PTPRD: variants seen among roughly 807,000 people sequenced by gnomAD.
PTPRD encodes protein tyrosine phosphatase receptor type D.
PTPRD carries 34 observed loss-of-function variants against 214.5 expected under a neutral mutation model. The observed-to-expected ratio is 0.16, with a 90% CI of 0.12 to 0.21. PTPRD has a LOEUF of 0.21. PTPRD is among the 10% of genes least tolerant of loss of function. The pLI is 1.00. For missense variants in PTPRD, 2,545 were observed against 2,398.7 expected (o/e 1.06, Z -1.27); for synonymous variants, 1,128 against 845.7 (o/e 1.33, Z -5.79).
In PTPRD at chr9:8,820,727, C is replaced by CCA. The variant is rs141466292; in HGVS notation, c.-103-86783_-103-86782dup. Among the ~76,000 whole-genome samples, 1,084 of 150,774 alleles carry CCA rather than the reference C, an allele frequency of 7.2e-3. 14 individuals carry two copies. Among genetic ancestry groups the CCA allele is most frequent in the African/African-American group, 0.022 (895 of 41,168 alleles). On this transcript the variant is annotated intron_variant, in intron 11 of 45. Coordinates refer to ENST00000381196, the MANE Select transcript of PTPRD (RefSeq NM_002839.4). ...AATTAAAATATATACATACTACACACCACACACACACACACACTTTTTGTG... is the reference window on the plus strand; with the variant it reads ...AATTAAAATATATACATACTACACACCACACACACACACACACACTTTTTGTG...
intron 3 of PTPRD, among the ~76,000 whole-genome samples, chr9:10,310,144 G>T (rs984333259): frequency 6.6e-6 from 1 of 152,006 alleles, no homozygotes; most frequent in Non-Finnish European, 1.5e-5. Context: ...TTAAAATCAT[G>T]TAAGAATAGT....
intron 14 of PTPRD, among the ~76,000 whole-genome samples, chr9:8,545,144 A>G (rs2079687306): frequency 6.6e-6 from 1 of 152,092 alleles, no homozygotes; most frequent in South Asian, 2.1e-4. Context: ...CAAACAGCAC[A>G]TTGCTCCACT....
chr9:8,833,717 C>T (rs13291269), intron 11 of PTPRD, among the ~76,000 whole-genome samples: 16,366 of 118,026 alleles, frequency 0.14, 1,066 homozygotes, highest in East Asian at 0.26. Flanking sequence ...TATATATATA[C>T]ACACACACAC....
intron 34 of PTPRD, among the ~76,000 whole-genome samples, chr9:8,446,919 A>T (rs1157247553): frequency 6.6e-6 from 1 of 152,210 alleles, no homozygotes; most frequent in African/African-American, 2.4e-5. Flanking sequence ...GCAAGTAATT[A>T]TGGTAATTAA....
intron 3 of PTPRD, among the ~76,000 whole-genome samples, chr9:10,128,139 C>G (rs1161638389): frequency 6.6e-6 from 1 of 152,122 alleles, no homozygotes; most frequent in African/African-American, 2.4e-5. Context: ...TTCTGTATCA[C>G]TTCCCTTCCA....
At chr9:8,481,975 G>T (rs62534027) in intron 30 of PTPRD, among the ~76,000 whole-genome samples, 3 of 151,928 alleles carry the variant, frequency 2.0e-5, no homozygotes, top group South Asian at 2.1e-4. Context: ...TAGAGACGGG[G>T]TTTTGCCATT....
At chr9:9,479,347 G>GCACACACAAA (rs1555458319) in intron 8 of PTPRD, among the ~76,000 whole-genome samples, 2 of 146,668 alleles carry the variant, frequency 1.4e-5, no homozygotes, top group Non-Finnish European at 3.0e-5. Flanking sequence ...GAAAACTGAT[G>GCACACACAAA]CACACACACA....
intron 8 of PTPRD, among the ~76,000 whole-genome samples, chr9:9,558,892 GC>G (rs2154290466): frequency 6.6e-6 from 1 of 152,202 alleles, no homozygotes; most frequent in Admixed American, 6.5e-5. Context: ...ATGACCTTAG[GC>G]CCCAAGGCCT....
At chr9:9,525,419 T>C (rs1237623781) in intron 8 of PTPRD, among the ~76,000 whole-genome samples, 1 of 152,124 alleles carries the variant, frequency 6.6e-6, no homozygotes, top group Non-Finnish European at 1.5e-5. Context: ...TTACATAAAG[T>C]AAAACTTTTA....
At chr9:9,142,208 T>C (rs2099861675) in intron 10 of PTPRD, among the ~76,000 whole-genome samples, 1 of 152,184 alleles carries the variant, frequency 6.6e-6, no homozygotes, top group South Asian at 2.1e-4. Flanking sequence ...ATAGAAGCCC[T>C]AGAAGAGCAG....
At chr9:9,154,465 G>C (rs2154490720) in intron 10 of PTPRD, among the ~76,000 whole-genome samples, 1 of 152,234 alleles carries the variant, frequency 6.6e-6, no homozygotes, top group Non-Finnish European at 1.5e-5. Flanking sequence ...AACAGGGAGA[G>C]AGAGAGAGCA....
chr9:9,867,715 C>A (rs1362634436), intron 5 of PTPRD, among the ~76,000 whole-genome samples: 1 of 152,068 alleles, frequency 6.6e-6, no homozygotes, highest in Non-Finnish European at 1.5e-5. Flanking sequence ...CAACTCAAAC[C>A]TATTGTTTTC....
At chr9:9,978,955 A>G (rs2095451312) in intron 4 of PTPRD, among the ~76,000 whole-genome samples, 1 of 152,072 alleles carries the variant, frequency 6.6e-6, no homozygotes, top group Non-Finnish European at 1.5e-5. Flanking sequence ...CTTATCAGAA[A>G]TCATACAAGC....
At chr9:8,366,804 A>G (rs2080017961) in intron 39 of PTPRD, among the ~76,000 whole-genome samples, 2 of 152,234 alleles carry the variant, frequency 1.3e-5, no homozygotes, top group African/African-American at 4.8e-5. Flanking sequence ...TGTGAATACG[A>G]AGCAATGTGA....
rs778622380 is a variant in PTPRD, at chr9:9,764,619, T to G, written c.-326+2191A>C. On this transcript the variant is annotated intron_variant, in intron 6 of 45. Transcript: ENST00000381196. ...GAAATGGAAAAAAGTAAAATCATATTTATTATATGTTTATTACATAACAGA... is the reference window on the plus strand; with the variant it reads ...GAAATGGAAAAAAGTAAAATCATATGTATTATATGTTTATTACATAACAGA... Among the ~76,000 whole-genome samples the G allele has an allele frequency of 1.5e-4, 23 of 152,184 alleles. 1 individual carries two copies. Among genetic ancestry groups the G allele is most frequent in the Non-Finnish European group, 4.4e-5 (3 of 68,024 alleles).
intron 8 of PTPRD, among the ~76,000 whole-genome samples, chr9:9,433,261 A>T (rs1031227143): frequency 6.6e-6 from 1 of 152,220 alleles, no homozygotes; most frequent in African/African-American, 2.4e-5. Flanking sequence ...GTCATCAGGA[A>T]CAGTTAAAGC....
intron 8 of PTPRD, among the ~76,000 whole-genome samples, chr9:9,530,232 A>G (rs2075147106): frequency 6.6e-6 from 1 of 152,196 alleles, no homozygotes; most frequent in Admixed American, 6.5e-5. Context: ...TCTGAAAACA[A>G]TAAAATCAAT....
chr9:9,396,023 G>A (rs1005902379), intron 9 of PTPRD, among the ~76,000 whole-genome samples: 3 of 152,074 alleles, frequency 2.0e-5, no homozygotes, highest in African/African-American at 7.2e-5. Context: ...GAAAGAGACT[G>A]ACTTTCTTCA....
chr9:8,667,389 T>C (rs2097192237), intron 12 of PTPRD, among the ~76,000 whole-genome samples: 1 of 152,142 alleles, frequency 6.6e-6, no homozygotes, highest in Admixed American at 6.5e-5. Flanking sequence ...TTTTCCATCT[T>C]GTTTCTTAAA....
Sources: allele counts gnomAD v4.1 joint callset (sites outside exome capture counted in the v4.1 genomes callset), GRCh38; gene constraint gnomAD v4.1.1; transcripts MANE v1.5; gene names NCBI Gene and HGNC (gene_info 2026-07-23, HGNC 2026-07-21).